DOCK1: variants seen among roughly 807,000 people sequenced by gnomAD.
DOCK1 encodes dedicator of cytokinesis protein 1.
In DOCK1, 138 loss-of-function variants were observed where a neutral mutation model predicts 262.7. The observed-to-expected ratio is 0.53, with a 90% CI of 0.46 to 0.61. DOCK1 has a LOEUF of 0.61. Ranked by LOEUF, DOCK1 falls within the 20% of genes least tolerant of loss-of-function variation. The pLI is 0.00. For missense variants in DOCK1, 1,908 were observed against 2,370.7 expected (o/e 0.80, Z 4.05); for synonymous variants, 866 against 867.4 (o/e 1.00, Z 0.03).
rs551398010 is a variant in DOCK1 at position 127,306,091 on chromosome 10, T to G, written c.3045-32915T>G. On this transcript the variant is annotated intron_variant, in intron 29 of 51. Coordinates refer to ENST00000623213, the MANE Select transcript of DOCK1 (RefSeq NM_001290223.2). The stretch of plus-strand genomic sequence containing the variant: ...GTGCAGTGGTGCGATCTCAGCTTAC[T>G]GCAACCTCCGCCTCCCAGGTTCAAG... Among the ~76,000 whole-genome samples, 5 of 151,124 alleles carry G rather than the reference T, an allele frequency of 3.3e-5. No homozygotes were observed. In the East Asian group the frequency reaches 9.9e-4, roughly 30 times the overall value.
intron 25 of DOCK1, among the ~76,000 whole-genome samples, chr10:127,123,914 T>C (rs2049778213): frequency 6.6e-6 from 1 of 152,248 alleles, no homozygotes; most frequent in Non-Finnish European, 1.5e-5. Flanking sequence ...ACTACTGGCA[T>C]TGTGAAATTA....
intron 4 of DOCK1, among the ~76,000 whole-genome samples, chr10:126,987,201 A>G (rs2039465527): frequency 6.6e-6 from 1 of 152,176 alleles, no homozygotes; most frequent in East Asian, 1.9e-4. Context: ...CATATTATGA[A>G]TATACTTTCC....
At chr10:127,079,658 AG>A (rs1171644751) in intron 23 of DOCK1, among the ~76,000 whole-genome samples, 29 of 152,280 alleles carry the variant, frequency 1.9e-4, no homozygotes, top group African/African-American at 6.0e-4. Flanking sequence ...TGGCAGGGTG[AG>A]GTGGCTCATG....
intron 50 of DOCK1, 45 bp downstream of exon 50, chr10:127,444,324 G>T: frequency 6.5e-7 from 1 of 1,538,378 alleles, no homozygotes; most frequent in South Asian, 1.3e-5. Context: ...ATAGCTCCGT[G>T]ACTTCCCCTC....
intron 47 of DOCK1, among the ~76,000 whole-genome samples, chr10:127,426,383 G>A (rs547369438): frequency 5.9e-4 from 90 of 152,288 alleles, no homozygotes; most frequent in African/African-American, 1.9e-3. Context: ...CAGAGGGTTC[G>A]GTCATCCACA....
At position 127,214,681 on chromosome 10, in the gene DOCK1, G is replaced by A. The variant is rs796783616; in HGVS notation, c.2848-33327G>A. ...TCTCCAGGCACACCTGCGGGAGAGC[G>A]CCTCCAGGAAACACACCCCGGGGTA... On this transcript the variant is annotated intron_variant, in intron 27 of 51. Coordinates refer to ENST00000623213, the MANE Select transcript of DOCK1 (RefSeq NM_001290223.2). Among the ~76,000 whole-genome samples, 22 of 152,234 alleles carry A rather than the reference G, an allele frequency of 1.4e-4. 1 individual carries two copies. Among genetic ancestry groups the A allele is most frequent in the African/African-American group, 3.6e-4 (15 of 41,538 alleles).
chr10:127,349,136 C>T (rs976317643), intron 31 of DOCK1, among the ~76,000 whole-genome samples: 12 of 151,996 alleles, frequency 7.9e-5, no homozygotes, highest in Admixed American at 2.6e-4. Context: ...GTTAAAAATG[C>T]CTCACCCCAG....
At position 127,138,346 on chromosome 10, in the gene DOCK1, G is replaced by A. The variant is rs182216522; in HGVS notation, c.2847+10582G>A. Among the ~76,000 whole-genome samples, 760 of 152,254 alleles carry A rather than the reference G, an allele frequency of 5.0e-3. 6 individuals carry two copies. Among genetic ancestry groups the A allele is most frequent in the Non-Finnish European group, 4.8e-3 (325 of 68,020 alleles). The stretch of plus-strand genomic sequence containing the variant: ...TTGTTTGTCCACAGTCTGTTCACAT[G>A]GGCCTCATGGAGTAAAACAGAAAAC... On this transcript the variant is annotated intron_variant, in intron 27 of 51. Transcript: ENST00000623213.
intron 1 of DOCK1, among the ~76,000 whole-genome samples, chr10:126,964,726 C>A (rs1404396162): frequency 6.6e-6 from 1 of 152,236 alleles, no homozygotes; most frequent in South Asian, 2.1e-4. Flanking sequence ...ATGGCCACCC[C>A]TGGCCTTTGA....
intron 11 of DOCK1, among the ~76,000 whole-genome samples, chr10:127,010,960 C>G (rs1591636141): frequency 6.7e-6 from 1 of 148,934 alleles, no homozygotes; most frequent in East Asian, 1.9e-4. Context: ...AAAAACAAAC[C>G]CAACCTGAGG....
At chr10:127,400,945 A>G (rs2067188003) in intron 38 of DOCK1, among the ~76,000 whole-genome samples, 1 of 152,178 alleles carries the variant, frequency 6.6e-6, no homozygotes, top group Admixed American at 6.5e-5. Context: ...GAGGGGAGAA[A>G]CCTGAATTCT....
At chr10:127,355,451 A>G (rs2064099624) in intron 32 of DOCK1, among the ~76,000 whole-genome samples, 1 of 152,166 alleles carries the variant, frequency 6.6e-6, no homozygotes, top group Non-Finnish European at 1.5e-5. Context: ...TCCTGCCGTC[A>G]GCCCTCGGGC....
Position 126,914,020 on chromosome 10 carries a change from T to C in DOCK1, c.46+8457T>C, listed in dbSNP as rs1487689525. ...CATGGTCTGTGCTTGATAATGTTAG[T>C]TTCTTTCATCCTTTATTGATTGCTT... On this transcript the variant is annotated intron_variant, in intron 1 of 51. Coordinates refer to ENST00000623213, the MANE Select transcript of DOCK1 (RefSeq NM_001290223.2). Among the ~76,000 whole-genome samples the C allele has an allele frequency of 5.3e-5, 8 of 152,218 alleles. No individual in the cohort carries two copies. In the East Asian group the frequency reaches 1.5e-3, roughly 29 times the overall value.
intron 22 of DOCK1, among the ~76,000 whole-genome samples, chr10:127,053,603 C>G (rs1428222895): frequency 6.6e-6 from 1 of 151,972 alleles, no homozygotes; most frequent in Non-Finnish European, 1.5e-5. Flanking sequence ...TAAAGGGGAA[C>G]AAAAAATGTA....
At chr10:127,325,970 A>C (rs1266250882) in intron 29 of DOCK1, among the ~76,000 whole-genome samples, 3 of 152,230 alleles carry the variant, frequency 2.0e-5, no homozygotes, top group Non-Finnish European at 4.4e-5. Context: ...TTATGTTTAC[A>C]CTATAAAGTA....
chr10:127,314,807 G>A (rs1038163696), intron 29 of DOCK1, among the ~76,000 whole-genome samples: 8 of 152,128 alleles, frequency 5.3e-5, no homozygotes, highest in Non-Finnish European at 8.8e-5. Context: ...TGCTGACCTC[G>A]CACCCTCCTA....
At chr10:127,024,407 T>A (rs1169310997) in intron 14 of DOCK1, among the ~76,000 whole-genome samples, 1 of 152,140 alleles carries the variant, frequency 6.6e-6, no homozygotes, top group Non-Finnish European at 1.5e-5. Context: ...CAGATCCTAA[T>A]GTTAAAGTTA....
chr10:127,427,190 G>A lies in DOCK1; in HGVS notation c.4914+1179G>A, dbSNP rs550959394. 6.6e-5 allele frequency among the ~76,000 whole-genome samples: 10 copies of A among 152,348 alleles called. 1 individual carries two copies. In the South Asian group the frequency reaches 1.2e-3, roughly 19 times the overall value. ...GGAATTCCATGCCTGCCGGCACTGAGGGGGTGTGCACAGGGCTTCAACTCC... is the reference window on the plus strand; with the variant it reads ...GGAATTCCATGCCTGCCGGCACTGAAGGGGTGTGCACAGGGCTTCAACTCC... On this transcript the variant is annotated intron_variant, in intron 47 of 51. Transcript: ENST00000623213.
intron 29 of DOCK1, among the ~76,000 whole-genome samples, chr10:127,262,427 G>A (rs2060206941): frequency 6.6e-6 from 1 of 152,178 alleles, no homozygotes; most frequent in Non-Finnish European, 1.5e-5. Context: ...CACAGCACAA[G>A]AGTCAGCCAC....
Sources: gnomAD v4.1 joint callset for allele counts (sites outside exome capture counted in the v4.1 genomes callset) on GRCh38, gnomAD v4.1.1 for gene constraint, MANE v1.5 for transcripts, NCBI Gene and HGNC (gene_info 2026-07-23, HGNC 2026-07-21) for gene names.